The following MILR1 variants were observed in gnomAD, a reference collection of about 807,000 sequenced individuals.
MILR1 encodes allergin-1.
In MILR1, 31 loss-of-function variants were observed where a neutral mutation model predicts 18.5. The observed-to-expected ratio is 1.68, with a 90% CI of 1.26 to 2.26. The LOEUF is 2.26. Among genes scored for constraint, MILR1 ranks in the 30% most tolerant of loss-of-function variants. The pLI is 0.00. For missense variants in MILR1, 257 were observed against 157.4 expected (o/e 1.63, Z -3.38); for synonymous variants, 85 against 56.2 (o/e 1.51, Z -2.30).
chr17:64,465,103 G>A (rs561605928), intron 5 of MILR1, among the ~76,000 whole-genome samples: 1 of 152,188 alleles, frequency 6.6e-6, no homozygotes, highest in Non-Finnish European at 1.5e-5. Flanking sequence ...TAAAAAAAAA[G>A]AATTCAATAG....
the MILR1 span, among the ~76,000 whole-genome samples, chr17:64,476,548 CTGATA>C: frequency 1.3e-5 from 2 of 151,634 alleles, no homozygotes; most frequent in African/African-American, 4.8e-5. Flanking sequence ...AAATAAATTA[CTGATA>C]TAATATGGAA....
At chr17:64,492,572 T>C in the MILR1 span, 1 of 731,926 alleles carries the variant, frequency 1.4e-6, no homozygotes, top group Non-Finnish European at 2.4e-6. Flanking sequence ...GCTACATACA[T>C]CAAATATAAT....
the MILR1 span, among the ~76,000 whole-genome samples, chr17:64,493,234 C>T: frequency 6.6e-6 from 1 of 152,028 alleles, no homozygotes; most frequent in East Asian, 1.9e-4. Flanking sequence ...GACTGGGCAA[C>T]ACAGCAAAAC....
the MILR1 span, among the ~76,000 whole-genome samples, chr17:64,481,688 C>T: frequency 6.6e-6 from 1 of 152,116 alleles, no homozygotes; most frequent in Admixed American, 6.5e-5. Context: ...GCCTGGCCAA[C>T]ATGGTGAAAC....
At chr17:64,491,727 C>G in the MILR1 span, 2 of 841,864 alleles carry the variant, frequency 2.4e-6, no homozygotes, top group Non-Finnish European at 4.0e-6. Context: ...AGGGTACATG[C>G]TCTTCATCTA....
intron 2 of MILR1, among the ~76,000 whole-genome samples, chr17:64,450,501 C>A (rs887259350): frequency 8.5e-5 from 13 of 152,112 alleles, no homozygotes; most frequent in Middle Eastern, 6.8e-3. Flanking sequence ...GTTTTTGAGA[C>A]AGAGTTTCAC....
At chr17:64,473,057 A>G (rs1490618811), downstream of MILR1, among the ~76,000 whole-genome samples, 1 of 152,048 alleles carries the variant, frequency 6.6e-6, no homozygotes, top group Non-Finnish European at 1.5e-5. Context: ...CAACTAAAGA[A>G]GTTGTCTTTT....
intron 4 of MILR1, among the ~76,000 whole-genome samples, chr17:64,459,024 G>A (rs2037365169): frequency 6.6e-6 from 1 of 152,194 alleles, no homozygotes; most frequent in South Asian, 2.1e-4. Context: ...GACTTCAGTG[G>A]GTTCTGTCCA....
intron 2 of MILR1, among the ~76,000 whole-genome samples, chr17:64,452,062 C>T (rs1179551643): frequency 6.6e-6 from 1 of 150,410 alleles, no homozygotes; most frequent in Non-Finnish European, 1.5e-5. Context: ...CCACCCAAGC[C>T]ATCCATTGGT....
At chr17:64,489,334 G>A in the MILR1 span, among the ~76,000 whole-genome samples, 1 of 142,386 alleles carries the variant, frequency 7.0e-6, no homozygotes, top group African/African-American at 2.7e-5. Context: ...AGTAAATCTA[G>A]AAGGAATGAT....
chr17:64,459,778 C>T (rs989691432), intron 4 of MILR1, among the ~76,000 whole-genome samples: 3 of 152,184 alleles, frequency 2.0e-5, no homozygotes, highest in Non-Finnish European at 2.9e-5. Context: ...TAAAACTCAA[C>T]AACTGGCAGT....
At chr17:64,457,237 T>A (rs1041923212) in intron 3 of MILR1, among the ~76,000 whole-genome samples, 163 bp from the exon 4 acceptor site, 1 of 152,130 alleles carries the variant, frequency 6.6e-6, no homozygotes, top group Admixed American at 6.6e-5. Context: ...CACATGCCCA[T>A]TGGCCTTTCC....
downstream of MILR1, among the ~76,000 whole-genome samples, chr17:64,472,421 G>A (rs1178643155): frequency 2.4e-5 from 3 of 124,890 alleles, no homozygotes; most frequent in African/African-American, 3.3e-5. Flanking sequence ...AGCCAAGATC[G>A]CGCCACTGCA....
In MILR1 at chr17:64,457,359, C is replaced by A. The variant is rs118198700; in HGVS notation, c.368-41C>A. 2.5e-3 allele frequency: 1,163 copies of A among 466,334 alleles called. 13 individuals are homozygous for A. Among genetic ancestry groups the A allele is most frequent in the African/African-American group, 0.021 (1,078 of 50,518 alleles). 28.9% of individuals were successfully genotyped at this position (466,334 alleles called of 1,614,324 possible). A position where few individuals can be genotyped will look rare whatever the true frequency, so the allele number is the denominator to read the frequency against. On this transcript the variant is annotated intron_variant, in intron 3 of 9. Coordinates refer to ENST00000619286, the MANE Select transcript of MILR1 (RefSeq NM_001085423.2). Reference sequence around the variant, plus strand: ...TATTTGTGGTCTGAGTGAGCACACCCAGTCTGTTTATCCTTTTCATGTTCA... The same window carrying A: ...TATTTGTGGTCTGAGTGAGCACACCAAGTCTGTTTATCCTTTTCATGTTCA...
the MILR1 span, among the ~76,000 whole-genome samples, chr17:64,475,439 G>A: frequency 2.0e-5 from 3 of 150,870 alleles, no homozygotes; most frequent in South Asian, 4.2e-4. Context: ...ACCTGAGGTC[G>A]GGAGTTCAAG....
At chr17:64,459,987 TTTTATTTTATTTATTTA>T (rs1302911781) in intron 4 of MILR1, among the ~76,000 whole-genome samples, 78 of 131,346 alleles carry the variant, frequency 5.9e-4, no homozygotes, top group Middle Eastern at 3.8e-3. Context: ...TTTTATTTTA[TTTTATTTTATTTATTTA>T]TTTATTTATT....
the MILR1 span, among the ~76,000 whole-genome samples, chr17:64,488,404 A>T: frequency 6.6e-6 from 1 of 152,134 alleles, no homozygotes; most frequent in Non-Finnish European, 1.5e-5. Context: ...AAATGATACC[A>T]ATAAAAGAAC....
chr17:64,455,995 C>G (rs1391243065), intron 3 of MILR1, among the ~76,000 whole-genome samples: 2 of 151,932 alleles, frequency 1.3e-5, no homozygotes, highest in South Asian at 4.2e-4. Flanking sequence ...GAGCTGAGAT[C>G]GTGGCACTGC....
chr17:64,472,159 A>G (rs370515415), downstream of MILR1, among the ~76,000 whole-genome samples: 31 of 152,266 alleles, frequency 2.0e-4, no homozygotes, highest in East Asian at 3.3e-3. Flanking sequence ...TTTAAAAATT[A>G]CATTTAGAAA....
Sources: allele counts gnomAD v4.1 joint callset (sites outside exome capture counted in the v4.1 genomes callset), GRCh38; gene constraint gnomAD v4.1.1; transcripts MANE v1.5; gene names NCBI Gene and HGNC (gene_info 2026-07-23, HGNC 2026-07-21).